Variants in AGO2 observed in about 807,000 individuals in gnomAD.
AGO2 encodes the protein argonaute RISC catalytic component 2.
AGO2 carries 5 observed loss-of-function variants against 102.3 expected under a neutral mutation model. The ratio of observed to expected loss-of-function variants is 0.05; its 90% CI spans 0.03 to 0.10. The LOEUF is 0.10. Among genes scored for constraint, AGO2 ranks in the 10% least tolerant of loss-of-function variants. The probability of loss-of-function intolerance (pLI) is 1.00; values close to 1 mark genes in which losing one functional copy is unlikely to be tolerated. For missense variants in AGO2, 541 were observed against 1,183.7 expected, an observed-to-expected ratio of 0.46 and a Z score of 7.97; for synonymous variants, 449 against 473.1, an observed-to-expected ratio of 0.95 and a Z score of 0.66.
intron 1 of AGO2, among the ~76,000 whole-genome samples, chr8:140,588,662 GGGAA>G (rs555848455): frequency 1.9e-4 from 28 of 151,312 alleles, no homozygotes; most frequent in African/African-American, 6.3e-4. Flanking sequence ...GAGGGAGGGA[GGGAA>G]GGAAGGAAGG....
upstream of AGO2, among the ~76,000 whole-genome samples, chr8:140,640,623 G>T (rs1349350992): frequency 6.6e-6 from 1 of 152,002 alleles, no homozygotes; most frequent in Non-Finnish European, 1.5e-5. Context: ...GGGTTCAAGC[G>T]ATTCTCCTAC....
intron 1 of AGO2, among the ~76,000 whole-genome samples, chr8:140,620,712 C>T (rs1236852361): frequency 6.6e-6 from 1 of 151,834 alleles, no homozygotes; most frequent in Non-Finnish European, 1.5e-5. Context: ...ACAAAAAATA[C>T]AAAAAAATTA....
At position 140,520,540 on chromosome 8, in the gene AGO2, C is replaced by A. The variant is rs2072398545; in HGVS notation, c.*11504G>T. On this transcript the variant is annotated 3_prime_UTR_variant, in exon 19 of 19. Transcript: ENST00000220592. Reference sequence around the variant, plus strand: ...ACCAGTTTTATCTTGACAATCAAGACCACTCCCCATCTGTTCAGTTTCGGG... The same window carrying A: ...ACCAGTTTTATCTTGACAATCAAGAACACTCCCCATCTGTTCAGTTTCGGG... 1 of 152,184 alleles carries A rather than the reference C, an allele frequency of 6.6e-6. No homozygotes were observed. The highest frequency in any genetic ancestry group is 6.5e-5 in the Admixed American group (1 of 15,276). 9.4% of individuals were successfully genotyped at this position (152,184 alleles called of 1,614,324 possible).
rs1384553470 is a variant in AGO2 at position 140,539,134 on chromosome 8, C to T, written c.2169+186G>A. Among the ~76,000 whole-genome samples the T allele has an allele frequency of 1.3e-5, 2 of 152,102 alleles. No homozygotes were observed. The highest frequency in any genetic ancestry group is 2.4e-5 in the African/African-American group (1 of 41,408). On this transcript the variant is annotated intron_variant, in intron 16 of 18. Transcript: ENST00000220592. The surrounding 1 kb of genome is among the most constrained non-coding windows in gnomAD (Gnocchi z 4.7). ...CTCCAAAACAACAACAAAAAAGCTT[C>T]ACCAAATCAAGGACAGCCTTCTCTA...
rs551109568 is a variant in AGO2 at position 140,560,830 on chromosome 8, C to T, written c.519-320G>A. On this transcript the variant is annotated intron_variant, in intron 4 of 18. Coordinates refer to ENST00000220592, the MANE Select transcript of AGO2 (RefSeq NM_012154.5). ...CAGACTCCCTGTCCTGGCTTTGCCT[C>T]GCCTTACTGTCCTCACTGTCTACTC... is the stretch of plus-strand genomic sequence containing the variant. Among the ~76,000 whole-genome samples the T allele has an allele frequency of 2.2e-4, 33 of 152,348 alleles. 1 individual carries two copies. Among genetic ancestry groups the T allele is most frequent in the African/African-American group, 7.7e-4 (32 of 41,596 alleles).
Position 140,557,086 on chromosome 8 carries a change from T to G in AGO2, c.1026+3A>C, listed in dbSNP as rs1285994054. On this transcript the variant is annotated splice_donor_region_variant and intron_variant, in intron 8 of 18. Coordinates refer to ENST00000220592, the MANE Select transcript of AGO2 (RefSeq NM_012154.5). This position sits in a 1 kb window ranked among gnomAD's most constrained non-coding sequence, Gnocchi z 5.9. ...AGAGACACACAGGAAGAGGGTGACT[T>G]GCCTCCAGGGGAAGGTAGGTGTGTT... 6.2e-7 allele frequency: 1 copy of G among 1,611,298 alleles called. No individual in the cohort carries two copies. Among genetic ancestry groups the G allele is most frequent in the Non-Finnish European group, 8.5e-7 (1 of 1,178,470 alleles).
chr8:140,610,332 C>T (rs1369702090), intron 1 of AGO2, among the ~76,000 whole-genome samples: 1 of 152,130 alleles, frequency 6.6e-6, no homozygotes, highest in Non-Finnish European at 1.5e-5. Context: ...GCACTTCTGC[C>T]TCAGCCTCCC....
chr8:140,539,261 C>T lies in AGO2; in HGVS notation c.2169+59G>A, dbSNP rs1051161331. The T allele has an allele frequency of 1.6e-5, 24 of 1,543,416 alleles. No individual in the cohort carries two copies. The highest frequency in any genetic ancestry group is 2.7e-5 in the African/African-American group (2 of 72,922). On this transcript the variant is annotated intron_variant, in intron 16 of 18. Transcript: ENST00000220592. This position sits in a 1 kb window ranked among gnomAD's most constrained non-coding sequence, Gnocchi z 4.7. ...CAGCAGGTTCTCTTGTGAGTGTGCT[C>T]GGGGTGTGGGGCTGAGGGGAGAACC...
chr8:140,559,939 A>C (rs1377051603), intron 5 of AGO2, among the ~76,000 whole-genome samples: 1 of 152,254 alleles, frequency 6.6e-6, no homozygotes, highest in Non-Finnish European at 1.5e-5. Flanking sequence ...TTTTCATAAT[A>C]ATCAGCTCCC....
intron 1 of AGO2, among the ~76,000 whole-genome samples, chr8:140,597,138 G>C (rs747105416): frequency 6.6e-6 from 1 of 152,222 alleles, no homozygotes; most frequent in Non-Finnish European, 1.5e-5. Flanking sequence ...GAGCTGTTTC[G>C]TTCATTTATA....
upstream of AGO2, among the ~76,000 whole-genome samples, chr8:140,639,615 A>T (rs1002633757): frequency 2.0e-5 from 3 of 151,086 alleles, no homozygotes; most frequent in Non-Finnish European, 4.4e-5. Context: ...GCTACAAAAT[A>T]AAAAAAAATT....
intron 1 of AGO2, among the ~76,000 whole-genome samples, 171 bp downstream of exon 1, chr8:140,635,314 G>A (rs925695729): frequency 1.4e-5 from 2 of 145,896 alleles, no homozygotes; most frequent in African/African-American, 4.9e-5. Context: ...CGGCCCCGCC[G>A]CCGCCGCTCC....
intron 2 of AGO2, among the ~76,000 whole-genome samples, chr8:140,580,668 G>A (rs1588475952): frequency 6.6e-6 from 1 of 152,232 alleles, no homozygotes; most frequent in Admixed American, 6.5e-5. Flanking sequence ...GTGAGCGGGG[G>A]GTCTCAGGAA....
At chr8:140,583,426 C>T (rs2133006779) in intron 2 of AGO2, among the ~76,000 whole-genome samples, 1 of 152,312 alleles carries the variant, frequency 6.6e-6, no homozygotes, top group South Asian at 2.1e-4. Flanking sequence ...GAGAAATTCA[C>T]TCAGGCAATT....
At chr8:140,602,990 G>A (rs1011119898) in intron 1 of AGO2, among the ~76,000 whole-genome samples, 1 of 152,198 alleles carries the variant, frequency 6.6e-6, no homozygotes, top group Non-Finnish European at 1.5e-5. Context: ...TGGATCACAG[G>A]CCGTGCCACG....
At chr8:140,620,042 C>A (rs2074198058) in intron 1 of AGO2, among the ~76,000 whole-genome samples, 1 of 152,138 alleles carries the variant, frequency 6.6e-6, no homozygotes, top group South Asian at 2.1e-4. Context: ...AGGAAAAATA[C>A]AAGGATCCCA....
intron 2 of AGO2, among the ~76,000 whole-genome samples, chr8:140,583,275 C>T (rs1362803540): frequency 6.6e-6 from 1 of 152,198 alleles, no homozygotes; most frequent in African/African-American, 2.4e-5. Flanking sequence ...ACTGACACTC[C>T]AGGGTCTCCA....
intron 1 of AGO2, among the ~76,000 whole-genome samples, chr8:140,615,772 C>T (rs1340332820): frequency 6.6e-6 from 1 of 152,272 alleles, no homozygotes; most frequent in Non-Finnish European, 1.5e-5. Context: ...GCCACAGATC[C>T]TGCCCACGGT....
intron 13 of AGO2, among the ~76,000 whole-genome samples, chr8:140,545,729 C>T (rs2072888320): frequency 6.6e-6 from 1 of 152,230 alleles, no homozygotes; most frequent in Non-Finnish European, 1.5e-5. Context: ...CACCTGCCAG[C>T]AAGTCCCAGG....
Sources: allele counts gnomAD v4.1 joint callset (sites outside exome capture counted in the v4.1 genomes callset), GRCh38; gene constraint gnomAD v4.1.1; non-coding constraint Gnocchi (gnomAD v3.1); transcripts MANE v1.5; gene names NCBI Gene and HGNC (gene_info 2026-07-23, HGNC 2026-07-21).